The following SNRPC variants were observed in gnomAD, a reference collection of about 807,000 sequenced individuals.
SNRPC encodes small nuclear ribonucleoprotein polypeptide C.
In SNRPC, 5 loss-of-function variants were observed where a neutral mutation model predicts 20.0. That is an observed-to-expected ratio of 0.25 (90% CI 0.13 to 0.53). SNRPC has a LOEUF of 0.53. Ranked by LOEUF, SNRPC falls within the 20% of genes least tolerant of loss-of-function variation. SNRPC has a pLI of 0.96. For missense variants in SNRPC, 112 were observed against 224.1 expected, an observed-to-expected ratio of 0.50 and a Z score of 3.19; for synonymous variants, 61 against 58.7, an observed-to-expected ratio of 1.04 and a Z score of -0.18.
At chr6:34,759,309 G>C (rs1764503109) in intron 2 of SNRPC, among the ~76,000 whole-genome samples, 1 of 152,204 alleles carries the variant, frequency 6.6e-6, no homozygotes, top group Non-Finnish European at 1.5e-5. Flanking sequence ...AGAGGCAGCT[G>C]GGCTGGATAT....
chr6:34,760,584 T>C (rs1479632345), intron 2 of SNRPC, among the ~76,000 whole-genome samples: 11 of 152,202 alleles, frequency 7.2e-5, no homozygotes, highest in Admixed American at 7.2e-4. Context: ...TACCTATTAT[T>C]CACCTTCTTG....
Position 34,767,890 on chromosome 6 carries a change from T to C in SNRPC, c.161-18T>C. Reference sequence around the variant, plus strand: ...TCTTATTCATCTTTTTTTTTTTTTTTTTCCTCACCCTCCAAAGCGGCTGCA... The same window carrying C: ...TCTTATTCATCTTTTTTTTTTTTTTCTTCCTCACCCTCCAAAGCGGCTGCA... On this transcript the variant is annotated intron_variant, in intron 3 of 5. Transcript: ENST00000244520. 1 of 1,516,690 alleles carries C rather than the reference T, an allele frequency of 6.6e-7. No individual in the cohort carries two copies. Among genetic ancestry groups the C allele is most frequent in the Non-Finnish European group, 8.7e-7 (1 of 1,151,300 alleles). The allele number at this position is 1,516,690 out of a possible 1,614,324, so 94.0% of individuals were successfully genotyped here.
chr6:34,762,355 T>G (rs1303810110), intron 2 of SNRPC, among the ~76,000 whole-genome samples: 1 of 152,112 alleles, frequency 6.6e-6, no homozygotes, highest in Non-Finnish European at 1.5e-5. Flanking sequence ...CCAATACTTT[T>G]TTTTTAAAAC....
chr6:34,760,430 T>C (rs1764521244), intron 2 of SNRPC, among the ~76,000 whole-genome samples: 1 of 152,128 alleles, frequency 6.6e-6, no homozygotes, highest in South Asian at 2.1e-4. Flanking sequence ...TAAATTGGTA[T>C]TTTTAGTAGC....
At position 34,762,606 on chromosome 6, in the gene SNRPC, A is replaced by G; in HGVS notation, c.63A>G (p.Arg21=). 1 of 1,568,082 alleles carries G rather than the reference A, an allele frequency of 6.4e-7. No individual in the cohort carries two copies. The highest frequency in any genetic ancestry group is 1.1e-5 in the South Asian group (1 of 89,928). ...TTTTTATTTTACAGCCATCTGTGAG[A>G]AAGACACACTGCAGTGGAAGGAAAC... ...TYLTHDSPSV[R]KTHCSGRKHK... Residue 21 remains arginine (R), a synonymous_variant, in exon 3 of 6, where the codon AGA becomes AGG. Transcript: ENST00000244520.
rs964834525 is a variant in SNRPC, at chr6:34,773,658, A to G, written c.*88A>G. On this transcript the variant is annotated 3_prime_UTR_variant, in exon 6 of 6. Coordinates refer to ENST00000244520, the MANE Select transcript of SNRPC (RefSeq NM_003093.3). The surrounding 1 kb of genome is among the most constrained non-coding windows in gnomAD (Gnocchi z 4.1). ...ATGCTGCTGTGATACTGAGTTTTCT[A>G]AACAGCATAAGGAAGACTTGCTCCC... 3.3e-5 allele frequency: 41 copies of G among 1,251,814 alleles called. No homozygotes were observed. Among genetic ancestry groups the G allele is most frequent in the Non-Finnish European group, 3.9e-5 (34 of 879,446 alleles). 77.5% of individuals were successfully genotyped at this position (1,251,814 alleles called of 1,614,324 possible). A position where few individuals can be genotyped will look rare whatever the true frequency, so the allele number is the denominator to read the frequency against.
At chr6:34,760,534 G>A (rs1309915829) in intron 2 of SNRPC, among the ~76,000 whole-genome samples, 2 of 152,002 alleles carry the variant, frequency 1.3e-5, no homozygotes, top group African/African-American at 4.8e-5. Context: ...TAATGAGGGG[G>A]CTGTGCCTTT....
chr6:34,757,854 C>T, intron 1 of SNRPC, 58 bp from the exon 2 acceptor site: 1 of 1,609,106 alleles, frequency 6.2e-7, no homozygotes, highest in Non-Finnish European at 8.5e-7. Flanking sequence ...AACAGCGCTT[C>T]CGTGGATGGG....
In SNRPC at chr6:34,769,156, C is replaced by T. The variant is rs537562415; in HGVS notation, c.251-1135C>T. ...TCTACCTTGACTGGCTGGCACTCAA[C>T]TCCATTATTTTTGATAGCGGAATAG... On this transcript the variant is annotated intron_variant, in intron 4 of 5. Transcript: ENST00000244520. Among the ~76,000 whole-genome samples the T allele has an allele frequency of 2.0e-5, 3 of 152,140 alleles. No individual in the cohort carries two copies. In the East Asian group the frequency reaches 5.8e-4, roughly 29 times the overall value.
chr6:34,763,058 G>A (rs1014462036), intron 3 of SNRPC, among the ~76,000 whole-genome samples: 3 of 152,142 alleles, frequency 2.0e-5, no homozygotes, highest in African/African-American at 7.2e-5. Flanking sequence ...TATTCTAATA[G>A]GAGCAGGTGA....
rs1045758865 is a variant in SNRPC at position 34,762,726 on chromosome 6, G to A, written c.160+23G>A. ...CAAGTATGTTTCAATCTCTTGTTCT[G>A]CTGTGGTAAAATGGTCCTATTCTTT... On this transcript the variant is annotated intron_variant, in intron 3 of 5. Transcript: ENST00000244520. 4 of 1,246,280 alleles carry A rather than the reference G, an allele frequency of 3.2e-6. No individual in the cohort carries two copies. In the Admixed American group the frequency reaches 6.8e-5, roughly 21 times the overall value. The allele number at this position is 1,246,280 out of a possible 1,614,324, so 77.2% of individuals were successfully genotyped here. A position where few individuals can be genotyped will look rare whatever the true frequency, so the allele number is the denominator to read the frequency against.
intron 3 of SNRPC, among the ~76,000 whole-genome samples, chr6:34,765,444 A>AT (rs749027405): frequency 6.9e-6 from 1 of 145,502 alleles, no homozygotes; most frequent in Admixed American, 7.0e-5. Context: ...TATTTATTTT[A>AT]TTTATTTATT....
intron 3 of SNRPC, among the ~76,000 whole-genome samples, chr6:34,765,292 C>T (rs1764598341): frequency 6.6e-6 from 1 of 152,080 alleles, no homozygotes; most frequent in African/African-American, 2.4e-5. Flanking sequence ...GTGCAGTGCC[C>T]CTGGGAAGCA....
At chr6:34,770,450 A>G (rs1273990195) in intron 5 of SNRPC, 55 bp downstream of exon 5, 5 of 1,125,124 alleles carry the variant, frequency 4.4e-6, no homozygotes, top group South Asian at 2.5e-5. Flanking sequence ...GTTACTATGC[A>G]TAGCTGACAC....
intron 3 of SNRPC, among the ~76,000 whole-genome samples, chr6:34,763,540 G>C (rs561329329): frequency 1.3e-5 from 2 of 151,384 alleles, no homozygotes; most frequent in Admixed American, 1.3e-4. Context: ...AATTAGCGGG[G>C]CGTGGTGGTG....
chr6:34,772,367 T>G (rs1764702092), intron 5 of SNRPC, among the ~76,000 whole-genome samples: 1 of 152,222 alleles, frequency 6.6e-6, no homozygotes, highest in Non-Finnish European at 1.5e-5. Flanking sequence ...TAGTCTTTGG[T>G]CTATGTCCAT....
intron 4 of SNRPC, among the ~76,000 whole-genome samples, 155 bp from the exon 5 acceptor site, chr6:34,770,136 T>G (rs1268288850): frequency 6.6e-6 from 1 of 152,194 alleles, no homozygotes; most frequent in Admixed American, 6.5e-5. Context: ...GCAGGAGAAT[T>G]GCTTGAACCT....
At chr6:34,765,682 C>T (rs1332707817) in intron 3 of SNRPC, among the ~76,000 whole-genome samples, 1 of 151,176 alleles carries the variant, frequency 6.6e-6, no homozygotes, top group African/African-American at 2.4e-5. Context: ...CAAGTATTCA[C>T]CTGCTTCAGC....
chr6:34,769,232 T>TCTTTC (rs200069544), intron 4 of SNRPC, among the ~76,000 whole-genome samples: 1 of 146,940 alleles, frequency 6.8e-6, no homozygotes, highest in Non-Finnish European at 1.5e-5. Context: ...TTTCTTTCTT[T>TCTTTC]TTTTTTTTTT....
Sources: allele counts gnomAD v4.1 joint callset (sites outside exome capture counted in the v4.1 genomes callset), GRCh38; gene constraint gnomAD v4.1.1; non-coding constraint Gnocchi (gnomAD v3.1); transcripts MANE v1.5; gene names NCBI Gene and HGNC (gene_info 2026-07-23, HGNC 2026-07-21).